KIF21A: variants seen among roughly 807,000 people sequenced by gnomAD.
KIF21A encodes the protein kinesin family member 21A.
Under a neutral mutation model 202.9 loss-of-function variants are expected in KIF21A, and 114 were observed. That is an observed-to-expected ratio of 0.56 (90% CI 0.48 to 0.66). The LOEUF is 0.66. Among genes scored for constraint, KIF21A ranks in the 30% least tolerant of loss-of-function variants. KIF21A has a pLI of 0.00. For synonymous variants in KIF21A, 667 were observed against 670.8 expected, an observed-to-expected ratio of 0.99 and a Z score of 0.09; for missense variants, 1,677 against 1,994.9, an observed-to-expected ratio of 0.84 and a Z score of 3.04.
Position 39,316,510 on chromosome 12 carries a change from G to A in KIF21A, c.3909-540C>T, listed in dbSNP as rs113948050. Among the ~76,000 whole-genome samples, 1,031 of 152,232 alleles carry A rather than the reference G, an allele frequency of 6.8e-3. 16 individuals carry two copies. Among genetic ancestry groups the A allele is most frequent in the African/African-American group, 0.024 (984 of 41,548 alleles). On this transcript the variant is annotated intron_variant, in intron 29 of 37. Coordinates refer to ENST00000361418, the MANE Select transcript of KIF21A (RefSeq NM_001173464.2). ...AAAACACTGAGTTCTTTTGACTAGGGAGCATCTGAGTAACAGCTGGGGTAC... is the reference window on the plus strand; with the variant it reads ...AAAACACTGAGTTCTTTTGACTAGGAAGCATCTGAGTAACAGCTGGGGTAC...
intron 1 of KIF21A, among the ~76,000 whole-genome samples, chr12:39,399,429 T>C (rs949791963): frequency 2.0e-5 from 3 of 152,160 alleles, no homozygotes; most frequent in Admixed American, 6.5e-5. Flanking sequence ...ATAAGTCTAG[T>C]ATCTATCCCT....
intron 1 of KIF21A, among the ~76,000 whole-genome samples, chr12:39,411,556 T>G (rs1338484571): frequency 6.6e-6 from 1 of 152,214 alleles, no homozygotes; most frequent in Non-Finnish European, 1.5e-5. Flanking sequence ...AGACAGGGTC[T>G]TCCTCTGTCA....
intron 1 of KIF21A, among the ~76,000 whole-genome samples, chr12:39,431,306 C>T (rs1312491264): frequency 6.6e-6 from 1 of 152,302 alleles, no homozygotes; most frequent in East Asian, 1.9e-4. Flanking sequence ...GGACAAGTTT[C>T]CCTCTCCACA....
intron 1 of KIF21A, among the ~76,000 whole-genome samples, chr12:39,412,873 A>T (rs1953227959): frequency 6.6e-6 from 1 of 152,242 alleles, no homozygotes. Flanking sequence ...AAAATGCTGC[A>T]CTAAAACTAC....
intron 1 of KIF21A, among the ~76,000 whole-genome samples, chr12:39,379,682 T>C (rs949570729): frequency 6.6e-6 from 1 of 152,106 alleles, no homozygotes; most frequent in Non-Finnish European, 1.5e-5. Flanking sequence ...GTCAGAATGT[T>C]TACTGTCCTG....
At chr12:39,341,837 G>T (rs1353989648) in intron 13 of KIF21A, among the ~76,000 whole-genome samples, 197 bp downstream of exon 13, 1 of 152,082 alleles carries the variant, frequency 6.6e-6, no homozygotes, top group Non-Finnish European at 1.5e-5. Context: ...CCAACACAAT[G>T]CTTTCACAAT....
intron 30 of KIF21A, 28 bp from the exon 31 acceptor site, chr12:39,315,268 A>G: frequency 6.2e-7 from 1 of 1,604,472 alleles, no homozygotes; most frequent in Non-Finnish European, 8.5e-7. Context: ...AAATGGCCAT[A>G]AAACAAGGAA....
intron 1 of KIF21A, among the ~76,000 whole-genome samples, chr12:39,406,159 CA>C (rs763658801): frequency 3.7e-4 from 53 of 145,046 alleles, no homozygotes; most frequent in Admixed American, 4.1e-4. Flanking sequence ...CCACTTCCTC[CA>C]AAAAAAAAAG....
At chr12:39,298,093 C>CACT (rs1942587136) in intron 37 of KIF21A, among the ~76,000 whole-genome samples, 1 of 151,932 alleles carries the variant, frequency 6.6e-6, no homozygotes, top group Admixed American at 6.6e-5. Flanking sequence ...TGTTTTCAGA[C>CACT]ACTAGGCAAA....
intron 6 of KIF21A, among the ~76,000 whole-genome samples, chr12:39,364,613 G>A (rs1008118246): frequency 6.6e-6 from 1 of 152,058 alleles, no homozygotes; most frequent in African/African-American, 2.4e-5. Context: ...AATATTGGGG[G>A]GTGATTAATG....
chr12:39,370,345 C>A, intron 1 of KIF21A, 84 bp from the exon 2 acceptor site: 1 of 1,000,498 alleles, frequency 1.0e-6, no homozygotes, highest in Non-Finnish European at 1.5e-6. Flanking sequence ...AAACTCTTGG[C>A]CAAATCTTTT....
rs764153239 is a variant in KIF21A at position 39,331,664 on chromosome 12, TCAGTAA to T, written c.3153+20_3153+25del. The T allele has an allele frequency of 8.1e-5, 119 of 1,460,948 alleles. 5 individuals are homozygous for T. In the South Asian group the frequency reaches 1.3e-3, roughly 16 times the overall value. The allele number at this position is 1,460,948 out of a possible 1,614,324, so 90.5% of individuals were successfully genotyped here. ...AATGAATTAGTCAAAACTTAGATTT[TCAGTAA>T]CAGTGTGGTTGTATCTTACCTTATT... On this transcript the variant is annotated intron_variant, in intron 22 of 37. Coordinates refer to ENST00000361418, the MANE Select transcript of KIF21A (RefSeq NM_001173464.2).
intron 1 of KIF21A, among the ~76,000 whole-genome samples, chr12:39,409,989 G>A (rs1173047767): frequency 6.6e-6 from 1 of 152,014 alleles, no homozygotes; most frequent in Non-Finnish European, 1.5e-5. Context: ...TCACCATCAT[G>A]CCCGGCTAAT....
In KIF21A at chr12:39,361,385, T is replaced by C. The variant is rs560650599; in HGVS notation, c.1019+1713A>G. On this transcript the variant is annotated intron_variant, in intron 7 of 37. Coordinates refer to ENST00000361418, the MANE Select transcript of KIF21A (RefSeq NM_001173464.2). ...CTGAAAATATAGAACACAAGAAATA[T>C]ATGATAGTGGAAGGAAAACTGCATC... 3.9e-5 allele frequency among the ~76,000 whole-genome samples: 6 copies of C among 152,136 alleles called. No homozygotes were observed. In the South Asian group the frequency reaches 1.0e-3, roughly 26 times the overall value.
At chr12:39,342,476 T>C (rs1592243044) in intron 12 of KIF21A, among the ~76,000 whole-genome samples, 2 of 152,140 alleles carry the variant, frequency 1.3e-5, no homozygotes, top group Admixed American at 6.6e-5. Context: ...AACATTTTTG[T>C]TTTCTCATCT....
chr12:39,389,621 C>T (rs1951201917), intron 1 of KIF21A, among the ~76,000 whole-genome samples: 1 of 152,080 alleles, frequency 6.6e-6, no homozygotes. Flanking sequence ...ACACATTTAC[C>T]GTAATCAGAT....
At chr12:39,336,914 C>T (rs1947023739) in intron 17 of KIF21A, among the ~76,000 whole-genome samples, 182 bp downstream of exon 17, 1 of 152,116 alleles carries the variant, frequency 6.6e-6, no homozygotes, top group Non-Finnish European at 1.5e-5. Context: ...TTTATGAACT[C>T]TTATACTGAA....
In KIF21A at chr12:39,293,291, C is replaced by T. The variant is rs1942015822; in HGVS notation, c.*1133G>A. 2 of 152,258 alleles carry T rather than the reference C, an allele frequency of 1.3e-5. No homozygotes were observed. The highest frequency in any genetic ancestry group is 4.8e-5 in the African/African-American group (2 of 41,440). The allele number at this position is 152,258 out of a possible 1,614,324, so 9.4% of individuals were successfully genotyped here. ...GTTTTCATTTACAAGCAAATATTTT[C>T]AGGGGAAAAAATCACATAAGACAAT... On this transcript the variant is annotated 3_prime_UTR_variant, in exon 38 of 38. Transcript: ENST00000361418.
chr12:39,311,206 C>T (rs1943996566), intron 32 of KIF21A, among the ~76,000 whole-genome samples: 1 of 151,994 alleles, frequency 6.6e-6, no homozygotes, highest in Non-Finnish European at 1.5e-5. Context: ...GAGATGTATT[C>T]TGTCACCATT....
Sources: allele counts gnomAD v4.1 joint callset (sites outside exome capture counted in the v4.1 genomes callset), GRCh38; gene constraint gnomAD v4.1.1; transcripts MANE v1.5; gene names NCBI Gene and HGNC (gene_info 2026-07-23, HGNC 2026-07-21).